TTLL7: variants seen among roughly 807,000 people sequenced by gnomAD.
TTLL7 encodes the protein tubulin polyglutamylase TTLL7.
In TTLL7, 53 loss-of-function variants were observed where a neutral mutation model predicts 120.2. The observed-to-expected ratio is 0.44, with a 90% CI of 0.35 to 0.55. The LOEUF is 0.55. Among genes scored for constraint, TTLL7 ranks in the 20% least tolerant of loss-of-function variants. The probability of loss-of-function intolerance (pLI) is 0.00; values close to 1 mark genes in which losing one functional copy is unlikely to be tolerated. For synonymous variants in TTLL7, 353 were observed against 351.7 expected (o/e 1.00, Z -0.04); for missense variants, 803 against 1,054.7 (o/e 0.76, Z 3.31).
intron 1 of TTLL7, among the ~76,000 whole-genome samples, chr1:83,967,670 C>T (rs1330590288): frequency 6.6e-6 from 1 of 152,066 alleles, no homozygotes; most frequent in Non-Finnish European, 1.5e-5. Flanking sequence ...GACCCCTTTT[C>T]ACTCTAAAAT....
chr1:83,900,043 C>T, intron 18 of TTLL7: 1 of 339,318 alleles, frequency 2.9e-6, no homozygotes, highest in Non-Finnish European at 5.7e-6. Flanking sequence ...AACCCTAAAA[C>T]ATATGAAATT....
chr1:83,919,253 G>A (rs1272570800), intron 13 of TTLL7, among the ~76,000 whole-genome samples: 2 of 131,180 alleles, frequency 1.5e-5, no homozygotes, highest in Non-Finnish European at 3.1e-5. Context: ...ATGGTGTACA[G>A]ATTAGAGTGT....
chr1:83,888,954 A>C (rs1311661556), intron 19 of TTLL7, among the ~76,000 whole-genome samples: 1 of 151,988 alleles, frequency 6.6e-6, no homozygotes, highest in African/African-American at 2.4e-5. Context: ...TGTCTTACCA[A>C]AAAAAGGCTC....
chr1:83,906,647 T>A lies in TTLL7; in HGVS notation c.1993-184A>T, dbSNP rs1432593846. On this transcript the variant is annotated intron_variant, in intron 16 of 20. Transcript: ENST00000260505. Reference sequence around the variant, plus strand: ...ATTAAATGGATATGAATCCCAAGAGTGTCTTTCACACTTCCACAAGGTTAT... The same window carrying A: ...ATTAAATGGATATGAATCCCAAGAGAGTCTTTCACACTTCCACAAGGTTAT... 3 of 712,982 alleles carry A rather than the reference T, an allele frequency of 4.2e-6. No homozygotes were observed. In the African/African-American group the frequency reaches 5.4e-5, roughly 13 times the overall value. 44.2% of individuals were successfully genotyped at this position (712,982 alleles called of 1,614,324 possible).
At chr1:83,952,830 C>G (rs932036119) in intron 1 of TTLL7, among the ~76,000 whole-genome samples, 2 of 152,102 alleles carry the variant, frequency 1.3e-5, no homozygotes, top group Non-Finnish European at 2.9e-5. Flanking sequence ...AATTACAACA[C>G]AGAGATTAAA....
intron 19 of TTLL7, 94 bp downstream of exon 19, chr1:83,890,227 T>G: frequency 1.6e-6 from 2 of 1,280,306 alleles, no homozygotes; most frequent in South Asian, 3.0e-5. Context: ...AATCCATATT[T>G]TAAAAGATCA....
At chr1:83,998,704 C>A (rs1653713056) in intron 1 of TTLL7, among the ~76,000 whole-genome samples, 1 of 152,024 alleles carries the variant, frequency 6.6e-6, no homozygotes, top group Non-Finnish European at 1.5e-5. Flanking sequence ...CCCGTCCCCT[C>A]CGCCCTCTCC....
chr1:83,928,136 G>A (rs187212472), intron 10 of TTLL7, among the ~76,000 whole-genome samples: 2 of 152,114 alleles, frequency 1.3e-5, no homozygotes, highest in East Asian at 1.9e-4. Context: ...AAATGGCAAC[G>A]TCAAAAGACA....
chr1:83,958,066 C>T (rs901832124), intron 1 of TTLL7, among the ~76,000 whole-genome samples: 2 of 152,014 alleles, frequency 1.3e-5, no homozygotes, highest in Non-Finnish European at 1.5e-5. Context: ...TGAGGAAGAG[C>T]AAGAAGACAA....
chr1:83,958,431 G>A (rs1649719094), intron 1 of TTLL7, among the ~76,000 whole-genome samples: 1 of 152,030 alleles, frequency 6.6e-6, no homozygotes, highest in Admixed American at 6.5e-5. Context: ...TTACTTTGAG[G>A]CAAAAACACT....
intron 1 of TTLL7, chr1:83,984,090 C>CAA (rs34647942): frequency 3.3e-4 from 49 of 148,380 alleles, no homozygotes; most frequent in South Asian, 1.9e-3. Context: ...GACCCTGTTT[C>CAA]AAAAAAAAAA....
At position 83,911,332 on chromosome 1, in the gene TTLL7, A is replaced by T; in HGVS notation, c.1619T>A (p.Ile540Lys). ...GCTGCAGTACTTTGGTCTTTTCATT[A>T]TCTCAGTACTCTCAGGCATAGAACA... ...PLCSMPESTE[I>K]MKRPKYCSSD... Residue 540 changes from isoleucine (I) to lysine (K), a missense_variant, in exon 15 of 21, where the codon ATA becomes AAA. This residue lies in a region of TTLL7 where 388 missense variants were observed against 450.4 expected (regional missense o/e 0.86). Coordinates refer to ENST00000260505, the MANE Select transcript of TTLL7 (RefSeq NM_024686.6). The T allele has an allele frequency of 1.2e-6, 2 of 1,613,626 alleles. No homozygotes were observed. Among genetic ancestry groups the T allele is most frequent in the Non-Finnish European group, 1.7e-6 (2 of 1,179,714 alleles).
intron 5 of TTLL7, among the ~76,000 whole-genome samples, chr1:83,948,341 T>A (rs887214824): frequency 6.6e-6 from 1 of 152,146 alleles, no homozygotes; most frequent in Non-Finnish European, 1.5e-5. Context: ...AGGCAACAAG[T>A]TGCAGTAAAG....
At chr1:83,914,064 AG>A (rs1557625162) in intron 14 of TTLL7, among the ~76,000 whole-genome samples, 2 of 152,230 alleles carry the variant, frequency 1.3e-5, no homozygotes, top group African/African-American at 2.4e-5. Flanking sequence ...TTTCTTCCAA[AG>A]GAAGTATCAA....
At chr1:83,934,902 T>A (rs1193710134) in intron 8 of TTLL7, among the ~76,000 whole-genome samples, 1 of 152,178 alleles carries the variant, frequency 6.6e-6, no homozygotes, top group Non-Finnish European at 1.5e-5. Context: ...ACTCTTAGCA[T>A]AGAGCCCAGA....
rs928498096 is a variant in TTLL7, at chr1:83,867,877, T to C, written c.*2085A>G. 1.3e-5 allele frequency: 2 copies of C among 152,130 alleles called. No individual in the cohort carries two copies. Among genetic ancestry groups the C allele is most frequent in the African/African-American group, 2.4e-5 (1 of 41,458 alleles). The allele number at this position is 152,130 out of a possible 1,614,324, so 9.4% of individuals were successfully genotyped here. A position where few individuals can be genotyped will look rare whatever the true frequency, so the allele number is the denominator to read the frequency against. On this transcript the variant is annotated 3_prime_UTR_variant, in exon 21 of 21. Transcript: ENST00000260505. ...TTTTTCTAAAAAAAAATCCATAGCA[T>C]ATTTAAGAATTCACAAAATGGAGTC...
At chr1:83,963,524 A>G (rs745952938) in intron 1 of TTLL7, among the ~76,000 whole-genome samples, 3 of 152,184 alleles carry the variant, frequency 2.0e-5, no homozygotes, top group Non-Finnish European at 2.9e-5. Context: ...TCCAAAACAA[A>G]TAAGGAACTT....
In TTLL7 at chr1:83,942,699, T is replaced by A. The variant is rs746622411; in HGVS notation, c.507-20A>T. ...GAAATCCTATGTTTAAAGAAAAAAA[T>A]TAAAAGAATGATTTGACATAGAGCA... On this transcript the variant is annotated intron_variant, in intron 6 of 20. Coordinates refer to ENST00000260505, the MANE Select transcript of TTLL7 (RefSeq NM_024686.6). 5.1e-6 allele frequency: 8 copies of A among 1,561,060 alleles called. No individual in the cohort carries two copies. The highest frequency in any genetic ancestry group is 1.4e-5 in the African/African-American group (1 of 73,290).
At chr1:83,949,328 G>GA (rs1648814758) in intron 4 of TTLL7, 2 of 147,980 alleles carry the variant, frequency 1.4e-5, no homozygotes, top group Non-Finnish European at 3.0e-5. Flanking sequence ...TTTTTTTTTG[G>GA]TGGTTGTTGT....
Sources: allele counts gnomAD v4.1 joint callset (sites outside exome capture counted in the v4.1 genomes callset), GRCh38; gene constraint gnomAD v4.1.1; regional missense constraint gnomAD v4.1.1; transcripts MANE v1.5; gene names NCBI Gene and HGNC (gene_info 2026-07-23, HGNC 2026-07-21).